The following COL24A1 variants were observed in gnomAD, a reference collection of about 807,000 sequenced individuals.
COL24A1 encodes collagen alpha-1(XXIV) chain.
Under a neutral mutation model 253.9 loss-of-function variants are expected in COL24A1, and 224 were observed. That is an observed-to-expected ratio of 0.88 (90% confidence interval 0.79 to 0.99). COL24A1 has a LOEUF of 0.99. Among genes scored for constraint, COL24A1 ranks in the 50% least tolerant of loss-of-function variants. The pLI, the probability that COL24A1 is intolerant of heterozygous loss-of-function variation, is 0.00. For synonymous variants in COL24A1, 685 were observed against 673.7 expected (o/e 1.02, Z -0.26); for missense variants, 2,131 against 2,068.5 (o/e 1.03, Z -0.59).
chr1:85,760,969 C>T lies in COL24A1; in HGVS notation c.4437+427G>A, dbSNP rs149659794. 6.1e-3 allele frequency among the ~76,000 whole-genome samples: 934 copies of T among 152,130 alleles called. 6 individuals are homozygous for T. The highest frequency in any genetic ancestry group is 0.01 in the Admixed American group (157 of 15,272). On this transcript the variant is annotated intron_variant, in intron 55 of 59. Transcript: ENST00000370571. ...AAACATAAGAGAAGTCTGATGGCTTCCAGAGTTACCAGCAACTGAGAAAGA... is the reference window on the plus strand; with the variant it reads ...AAACATAAGAGAAGTCTGATGGCTTTCAGAGTTACCAGCAACTGAGAAAGA...
chr1:86,022,616 G>C, intron 16 of COL24A1, 25 bp from the exon 17 acceptor site: 1 of 1,603,080 alleles, frequency 6.2e-7, no homozygotes, highest in South Asian at 1.1e-5. Flanking sequence ...TTCATGCAAA[G>C]ATACTTATGT....
At chr1:85,763,494 T>TC (rs1485202551) in intron 53 of COL24A1, among the ~76,000 whole-genome samples, 1 of 142,688 alleles carries the variant, frequency 7.0e-6, no homozygotes, top group Non-Finnish European at 1.5e-5. Context: ...TTTACTTTCT[T>TC]TTTTTTTTTT....
At chr1:85,956,107 G>A (rs1444710652) in intron 24 of COL24A1, among the ~76,000 whole-genome samples, 1 of 152,090 alleles carries the variant, frequency 6.6e-6, no homozygotes, top group Non-Finnish European at 1.5e-5. Flanking sequence ...TTGAAATCCA[G>A]GTCTGCTACT....
At chr1:86,103,824 T>C (rs1704686751) in intron 5 of COL24A1, among the ~76,000 whole-genome samples, 2 of 152,184 alleles carry the variant, frequency 1.3e-5, no homozygotes, top group Admixed American at 6.5e-5. Context: ...ATTTTTCCTT[T>C]CCTTTCAACC....
chr1:86,019,515 A>G (rs494796), intron 18 of COL24A1, among the ~76,000 whole-genome samples: 47,202 of 151,610 alleles, frequency 0.31, 7,871 homozygotes, highest in Middle Eastern at 0.51. Context: ...CTGTGATGGC[A>G]CCATTACACT....
chr1:85,875,155 G>T, intron 34 of COL24A1, 122 bp downstream of exon 34: 1 of 818,912 alleles, frequency 1.2e-6, no homozygotes, highest in Non-Finnish European at 2.0e-6. Context: ...AACATTTCCT[G>T]TTTTTATCTG....
chr1:86,041,401 T>A (rs182802083), intron 12 of COL24A1, among the ~76,000 whole-genome samples: 134 of 152,258 alleles, frequency 8.8e-4, no homozygotes, highest in African/African-American at 3.2e-3. Context: ...GGCAAGTCAG[T>A]TCTAGCATAA....
intron 19 of COL24A1, among the ~76,000 whole-genome samples, chr1:85,994,536 T>C (rs1571519116): frequency 6.6e-6 from 1 of 152,058 alleles, no homozygotes; most frequent in Non-Finnish European, 1.5e-5. Flanking sequence ...GAGACAAGGA[T>C]GCAGGTTACA....
chr1:86,042,581 T>C (rs534210413), intron 12 of COL24A1, among the ~76,000 whole-genome samples: 1 of 152,258 alleles, frequency 6.6e-6, no homozygotes, highest in South Asian at 2.1e-4. Context: ...TAATATGCTA[T>C]TCTAAAATGT....
At chr1:86,066,720 C>T (rs1357602914) in intron 7 of COL24A1, among the ~76,000 whole-genome samples, 2 of 152,166 alleles carry the variant, frequency 1.3e-5, no homozygotes, top group African/African-American at 4.8e-5. Flanking sequence ...TGTAAAATGA[C>T]AGCATTCAAT....
At position 85,786,460 on chromosome 1, in the gene COL24A1, C is replaced by A. The variant is rs1021885576; in HGVS notation, c.3953G>T (p.Gly1318Val). The A allele has an allele frequency of 6.2e-7, 1 of 1,611,972 alleles. No individual in the cohort carries two copies. Among genetic ancestry groups the A allele is most frequent in the African/African-American group, 1.3e-5 (1 of 74,770 alleles). ...TGTTCTTCCTGGGCCGCCTCTGATGCCCTAAATAACACAGATAAGAAATGA... is the reference window on the plus strand; with the variant it reads ...TGTTCTTCCTGGGCCGCCTCTGATGACCTAAATAACACAGATAAGAAATGA... Reference protein sequence around the residue: ...IGPPGKQGLPGIRGGPGRTGL... With the variant: ...IGPPGKQGLPVIRGGPGRTGL... The change falls in exon 48 of 60, where the codon GGC (glycine) becomes GTC (valine). Residue 1318 changes from glycine to valine, a missense_variant and splice_region_variant. Physicochemically the swap from Gly to Val is moderately radical, Grantham distance 109. Coordinates refer to ENST00000370571, the MANE Select transcript of COL24A1 (RefSeq NM_152890.7).
chr1:86,106,992 C>T (rs1705043676), intron 5 of COL24A1, among the ~76,000 whole-genome samples: 1 of 152,168 alleles, frequency 6.6e-6, no homozygotes, highest in African/African-American at 2.4e-5. Flanking sequence ...CATAGAATTT[C>T]TATATTACTA....
intron 58 of COL24A1, chr1:85,736,249 A>T: frequency 2.2e-6 from 1 of 454,480 alleles, no homozygotes; most frequent in South Asian, 1.6e-5. Flanking sequence ...TTCCAAGTCT[A>T]CTGTTCATCC....
intron 23 of COL24A1, 73 bp from the exon 24 acceptor site, chr1:85,961,366 T>C: frequency 8.2e-7 from 1 of 1,221,534 alleles, no homozygotes; most frequent in Admixed American, 1.9e-5. Flanking sequence ...GTTTCAATTT[T>C]CCTTTTTAAT....
At position 86,017,112 on chromosome 1, in the gene COL24A1, T is replaced by C. The variant is rs1328241258; in HGVS notation, c.2310+39A>G. 6 of 1,549,486 alleles carry C rather than the reference T, an allele frequency of 3.9e-6. No homozygotes were observed. In the African/African-American group the frequency reaches 5.5e-5, roughly 14 times the overall value. On this transcript the variant is annotated intron_variant, in intron 19 of 59. Coordinates refer to ENST00000370571, the MANE Select transcript of COL24A1 (RefSeq NM_152890.7). ...TATCAAACAAGTTTAATTTCCACCA[T>C]TTTGTTTCAAATTTATTAACTTTCC...
At chr1:85,859,980 A>G (rs919272112) in intron 37 of COL24A1, among the ~76,000 whole-genome samples, 4 of 152,086 alleles carry the variant, frequency 2.6e-5, no homozygotes, top group African/African-American at 9.7e-5. Context: ...TACAATTTAT[A>G]TATGTCATTT....
intron 55 of COL24A1, among the ~76,000 whole-genome samples, chr1:85,747,830 C>T (rs1461796108): frequency 1.3e-5 from 2 of 152,164 alleles, no homozygotes; most frequent in East Asian, 3.8e-4. Context: ...CTGAACCCAC[C>T]TCAATGAACG....
At chr1:86,152,159 C>T (rs930120581) in intron 1 of COL24A1, among the ~76,000 whole-genome samples, 1 of 152,166 alleles carries the variant, frequency 6.6e-6, no homozygotes, top group East Asian at 1.9e-4. Flanking sequence ...AGTACTGTCA[C>T]TAACTTACTT....
chr1:86,003,576 A>C (rs1214976672), intron 19 of COL24A1, among the ~76,000 whole-genome samples: 1 of 152,140 alleles, frequency 6.6e-6, no homozygotes, highest in East Asian at 1.9e-4. Context: ...TCTAGCTGAA[A>C]ATGGATAGCA....
Sources: allele counts gnomAD v4.1 joint callset (sites outside exome capture counted in the v4.1 genomes callset), GRCh38; gene constraint gnomAD v4.1.1; transcripts MANE v1.5; gene names NCBI Gene and HGNC (gene_info 2026-07-23, HGNC 2026-07-21).